SEMG2: variants seen among roughly 807,000 people sequenced by gnomAD.
SEMG2 encodes the protein semenogelin-2.
Under a neutral mutation model 8.1 loss-of-function variants are expected in SEMG2, and 3 were observed. That is an observed-to-expected ratio of 0.37 (90% CI 0.17 to 0.96). SEMG2 has a LOEUF of 0.96. Ranked by LOEUF, SEMG2 falls within the 40% of genes least tolerant of loss-of-function variation. The pLI, the probability that SEMG2 is intolerant of heterozygous loss-of-function variation, is 0.41. For synonymous variants in SEMG2, 252 were observed against 231.4 expected (o/e 1.09, Z -0.81); for missense variants, 726 against 671.2 (o/e 1.08, Z -0.90).
At chr20:45,223,910 T>A (rs1257410204) in intron 2 of SEMG2, among the ~76,000 whole-genome samples, 1 of 152,128 alleles carries the variant, frequency 6.6e-6, no homozygotes, top group African/African-American at 2.4e-5. Context: ...AGACTAGCAG[T>A]CCACTCTCTC....
chr20:45,221,860 TGACTG>T lies in SEMG2; in HGVS notation c.232_236del (p.Trp78ProfsTer7), dbSNP rs1297634009. 1.2e-6 allele frequency: 2 copies of T among 1,614,122 alleles called. No homozygotes were observed. The highest frequency in any genetic ancestry group is 2.2e-5 in the South Asian group (2 of 91,030). On this transcript the variant is annotated frameshift_variant, in exon 2 of 3. Transcript: ENST00000372769. LOFTEE classifies it low-confidence loss of function (END_TRUNC). ...CATATCATGTAGACATCAATGATCA[TGACTG>T]GACCCGAAAAAGTCAGCAATATGAT...
chr20:45,221,422 G>C lies in SEMG2; in HGVS notation c.33G>C (p.Leu11=). MKSIILFVLS[L]LLILEKQAAV... is the part of the protein sequence containing the mutation. The stretch of plus-strand genomic sequence containing the variant: ...CCATCATCCTCTTTGTCCTTTCCCT[G>C]CTCCTTATCTTGGAGAAGCAAGCAG... Residue 11 remains leucine (L), a synonymous_variant, in exon 1 of 3, where the codon CTG becomes CTC. Coordinates refer to ENST00000372769, the MANE Select transcript of SEMG2 (RefSeq NM_003008.3). The C allele has an allele frequency of 1.2e-6, 2 of 1,614,106 alleles. No individual in the cohort carries two copies. The highest frequency in any genetic ancestry group is 1.7e-5 in the Admixed American group (1 of 60,018).
rs759433653 is a variant in SEMG2 at position 45,223,277 on chromosome 20, G to A, written c.1645G>A (p.Glu549Lys). The part of the protein sequence containing the change: ...SHEQKGRYKQ[E>K]SSESHNIVIT... ...TGAACAAAAAGGCAGATACAAACAG[G>A]AATCCAGTGAGTCACATAATATTGT... Residue 549 changes from glutamate to lysine, a missense_variant, in exon 2 of 3, where the codon GAA (glutamate) becomes AAA (lysine). Coordinates refer to ENST00000372769, the MANE Select transcript of SEMG2 (RefSeq NM_003008.3). 2.1e-5 allele frequency: 34 copies of A among 1,614,112 alleles called. No individual in the cohort carries two copies. The South Asian group carries it at 2.6e-4, about 13-fold the overall frequency.
rs1469976572 is a variant in SEMG2 at position 45,222,066 on chromosome 20, A to T, written c.434A>T (p.Asp145Val). The T allele has an allele frequency of 6.2e-7, 1 of 1,613,986 alleles. No individual in the cohort carries two copies. Among genetic ancestry groups the T allele is most frequent in the African/African-American group, 1.3e-5 (1 of 74,922 alleles). The part of the protein sequence containing the change: ...AHHGTQNPSQ[D>V]QGNSPSGKGL... Reference sequence around the variant, plus strand: ...CATGGGACACAAAATCCTTCTCAAGATCAGGGGAATAGCCCATCTGGAAAG... The same window carrying T: ...CATGGGACACAAAATCCTTCTCAAGTTCAGGGGAATAGCCCATCTGGAAAG... Residue 145 changes from aspartate (D) to valine (V), a missense_variant, in exon 2 of 3, where the codon GAT becomes GTT. Coordinates refer to ENST00000372769, the MANE Select transcript of SEMG2 (RefSeq NM_003008.3).
At chr20:45,223,510 T>G in intron 2 of SEMG2, 85 bp downstream of exon 2, 1 of 618,056 alleles carries the variant, frequency 1.6e-6, no homozygotes, top group Non-Finnish European at 2.8e-6. Context: ...CTGATAACCA[T>G]TGTTCACATC....
Position 45,223,291 on chromosome 20 carries a change from A to T in SEMG2, c.1659A>T (p.Ser553=). Residue 553 remains serine, a synonymous_variant, in exon 2 of 3, where the codon TCA becomes TCT. Coordinates refer to ENST00000372769, the MANE Select transcript of SEMG2 (RefSeq NM_003008.3). The part of the protein sequence containing the change: ...KGRYKQESSE[S]HNIVITEHEV... ...GATACAAACAGGAATCCAGTGAGTC[A>T]CATAATATTGTAATTACTGAGCATG... The T allele has an allele frequency of 6.2e-7, 1 of 1,614,160 alleles. No individual in the cohort carries two copies. Among genetic ancestry groups the T allele is most frequent in the Admixed American group, 1.7e-5 (1 of 60,030 alleles).
Position 45,222,747 on chromosome 20 carries a change from G to A in SEMG2, c.1115G>A (p.Gly372Asp). ...EKGIQKGVSKGSISIQTEEQI... is the reference protein window; with the variant it reads ...EKGIQKGVSKDSISIQTEEQI... ...GGCATCCAGAAAGGTGTATCCAAAG[G>A]CAGTATTTCGATCCAAACTGAAGAG... Residue 372 changes from glycine (G) to aspartate (D), a missense_variant, in exon 2 of 3, where the codon GGC becomes GAC. By Grantham distance (94) the Gly-to-Asp change is moderately conservative (BLOSUM62 -1). Transcript: ENST00000372769. The A allele has an allele frequency of 6.2e-7, 1 of 1,613,878 alleles. No individual in the cohort carries two copies. Among genetic ancestry groups the A allele is most frequent in the Non-Finnish European group, 8.5e-7 (1 of 1,179,988 alleles).
chr20:45,223,571 C>G (rs955785862), intron 2 of SEMG2, 146 bp downstream of exon 2: 4 of 501,978 alleles, frequency 8.0e-6, no homozygotes, highest in Non-Finnish European at 1.4e-5. Flanking sequence ...CATTTCCTGG[C>G]GAGTAGAGGA....
In SEMG2 at chr20:45,222,046, G is replaced by A; in HGVS notation, c.414G>A (p.Gly138=). The change falls in exon 2 of 3, where the codon GGG becomes GGA. Residue 138 remains glycine, a synonymous_variant. Transcript: ENST00000372769. ...ATAAAGGAGGCCAAGCTCATCATGG[G>A]ACACAAAATCCTTCTCAAGATCAGG... ...IHHKGGQAHH[G]TQNPSQDQGN... The A allele has an allele frequency of 1.2e-6, 2 of 1,614,078 alleles. No individual in the cohort carries two copies. The highest frequency in any genetic ancestry group is 1.1e-5 in the South Asian group (1 of 91,062).
In SEMG2 at chr20:45,221,835, C is replaced by T. The variant is rs779077576; in HGVS notation, c.203C>T (p.Thr68Ile). The T allele has an allele frequency of 4.3e-5, 70 of 1,613,948 alleles. 1 individual carries two copies. The Middle Eastern group carries it at 4.9e-4, about 11-fold the overall frequency. The part of the protein sequence containing the change: ...KSKGSFSIQH[T>I]YHVDINDHDW... ...AAAGGCAGTTTTTCTATTCAACACA[C>T]ATATCATGTAGACATCAATGATCAT... Residue 68 changes from threonine to isoleucine, a missense_variant, in exon 2 of 3, where the codon ACA becomes ATA. Coordinates refer to ENST00000372769, the MANE Select transcript of SEMG2 (RefSeq NM_003008.3).
In SEMG2 at chr20:45,222,018, A is replaced by T. The variant is rs781328840; in HGVS notation, c.386A>T (p.His129Leu). The T allele has an allele frequency of 1.2e-6, 2 of 1,614,048 alleles. No homozygotes were observed. The highest frequency in any genetic ancestry group is 2.7e-5 in the African/African-American group (2 of 74,948). Residue 129 changes from histidine (H) to leucine (L), a missense_variant, in exon 2 of 3, where the codon CAT becomes CTT. His to Leu is a moderately conservative substitution (Grantham distance 99). Coordinates refer to ENST00000372769, the MANE Select transcript of SEMG2 (RefSeq NM_003008.3). ...SKGHFHMIVIHHKGGQAHHGT... is the reference protein window; with the variant it reads ...SKGHFHMIVILHKGGQAHHGT... ...GGTCATTTTCACATGATAGTTATAC[A>T]TCATAAAGGAGGCCAAGCTCATCAT...
At position 45,222,980 on chromosome 20, in the gene SEMG2, G is replaced by T; in HGVS notation, c.1348G>T (p.Val450Leu). 1 of 1,613,652 alleles carries T rather than the reference G, an allele frequency of 6.2e-7. No individual in the cohort carries two copies. Among genetic ancestry groups the T allele is most frequent in the Middle Eastern group, 1.7e-4 (1 of 6,054 alleles). ...EKIHGKSQNQVTIPSQDQEHG... is the reference protein window; with the variant it reads ...EKIHGKSQNQLTIPSQDQEHG... ...AATACATGGCAAGTCTCAAAACCAG[G>T]TAACAATTCCTAGTCAAGATCAAGA... Residue 450 changes from valine (V) to leucine (L), a missense_variant, in exon 2 of 3, where the codon GTA becomes TTA. Val to Leu is a conservative substitution (Grantham distance 32, BLOSUM62 1). Coordinates refer to ENST00000372769, the MANE Select transcript of SEMG2 (RefSeq NM_003008.3).
chr20:45,222,488 A>G lies in SEMG2; in HGVS notation c.856A>G (p.Ile286Val). 1 of 1,613,974 alleles carries G rather than the reference A, an allele frequency of 6.2e-7. No homozygotes were observed. Among genetic ancestry groups the G allele is most frequent in the Non-Finnish European group, 8.5e-7 (1 of 1,179,978 alleles). ...AGAGCATGGCCGGAAGGCACATAAA[A>G]TATCATACCCGTCTTCACGTACAGA... The part of the protein sequence containing the change: ...DQEHGRKAHK[I>V]SYPSSRTEER... The change falls in exon 2 of 3, where the codon ATA becomes GTA. Residue 286 changes from isoleucine (I) to valine (V), a missense_variant. Physicochemically the swap from Ile to Val is conservative, Grantham distance 29 (BLOSUM62 3). Coordinates refer to ENST00000372769, the MANE Select transcript of SEMG2 (RefSeq NM_003008.3).
intron 1 of SEMG2, 80 bp downstream of exon 1, chr20:45,221,545 C>T: frequency 3.3e-6 from 5 of 1,514,888 alleles, no homozygotes; most frequent in South Asian, 1.2e-5. Context: ...AAACAGTAAC[C>T]TGTTCAGGCA....
rs201285909 is a variant in SEMG2, at chr20:45,221,468, G to A, written c.76+3G>A. ...AGCAGCTGTGATGGGACAAAAAGGT[G>A]AGTGGAGAGGGTAAGCCTTGGGGAA... is the stretch of plus-strand genomic sequence containing the variant. On this transcript the variant is annotated splice_donor_region_variant and intron_variant, in intron 1 of 2. Transcript: ENST00000372769. The A allele has an allele frequency of 2.4e-4, 391 of 1,614,078 alleles. 1 individual carries two copies. Among genetic ancestry groups the A allele is most frequent in the Non-Finnish European group, 3.1e-4 (363 of 1,179,962 alleles).
Position 45,222,611 on chromosome 20 carries a change from C to T in SEMG2, c.979C>T (p.Gln327Ter). The T allele has an allele frequency of 6.2e-7, 1 of 1,614,110 alleles. No homozygotes were observed. Among genetic ancestry groups the T allele is most frequent in the Non-Finnish European group, 8.5e-7 (1 of 1,180,004 alleles). ...QTEEKIHGKSQNQVTIHSQDQ... is the reference protein window; with the variant it reads ...QTEEKIHGKS ...TGAAGAGAAAATACATGGCAAGTCT[C>T]AAAACCAGGTAACAATTCATAGTCA... is the stretch of plus-strand genomic sequence containing the variant. The change falls in exon 2 of 3, where the codon CAA becomes TAA. Residue 327 changes from glutamine to a stop codon, truncating the protein, a stop_gained. Transcript: ENST00000372769. LOFTEE classifies it low-confidence loss of function (END_TRUNC).
Position 45,222,515 on chromosome 20 carries a change from G to T in SEMG2, c.883G>T (p.Glu295Ter). ...ATCATACCCGTCTTCACGTACAGAA[G>T]AAAGACAACTTCACCATGGAGAAAA... Reference protein sequence around the residue: ...KISYPSSRTEERQLHHGEKSV... With the variant: ...KISYPSSRTE The change falls in exon 2 of 3, where the codon GAA becomes TAA. Residue 295 changes from glutamate to a stop codon, truncating the protein, a stop_gained. Coordinates refer to ENST00000372769, the MANE Select transcript of SEMG2 (RefSeq NM_003008.3). LOFTEE classifies it low-confidence loss of function (END_TRUNC). 1 of 1,613,992 alleles carries T rather than the reference G, an allele frequency of 6.2e-7. No individual in the cohort carries two copies. Among genetic ancestry groups the T allele is most frequent in the Non-Finnish European group, 8.5e-7 (1 of 1,179,988 alleles).
chr20:45,223,269 AC>A lies in SEMG2; in HGVS notation c.1638del (p.Tyr546Ter), dbSNP rs1300732896. 10 of 1,614,112 alleles carry A rather than the reference AC, an allele frequency of 6.2e-6. No homozygotes were observed. The highest frequency in any genetic ancestry group is 1.7e-5 in the Admixed American group (1 of 60,010). On this transcript the variant is annotated frameshift_variant, in exon 2 of 3. Coordinates refer to ENST00000372769, the MANE Select transcript of SEMG2 (RefSeq NM_003008.3). LOFTEE classifies it low-confidence loss of function (END_TRUNC). Reference protein sequence around the residue: ...DLLSHEQKGRYKQESSESHNI... With the variant: ...DLLSHEQKGRXKQESSESHNI... ...CTCAGTCATGAACAAAAAGGCAGAT[AC>A]AAACAGGAATCCAGTGAGTCACATA...
Position 45,221,869 on chromosome 20 carries a change from C to T in SEMG2, c.237C>T (p.Thr79=). ...TAGACATCAATGATCATGACTGGACCCGAAAAAGTCAGCAATATGATTTGA... is the reference window on the plus strand; with the variant it reads ...TAGACATCAATGATCATGACTGGACTCGAAAAAGTCAGCAATATGATTTGA... ...YHVDINDHDW[T]RKSQQYDLNA... The change falls in exon 2 of 3, where the codon ACC becomes ACT. Residue 79 remains threonine (T), a synonymous_variant. Transcript: ENST00000372769. 6.2e-7 allele frequency: 1 copy of T among 1,613,878 alleles called. No individual in the cohort carries two copies. The highest frequency in any genetic ancestry group is 8.5e-7 in the Non-Finnish European group (1 of 1,179,960).
Sources: gnomAD v4.1 joint callset for allele counts (sites outside exome capture counted in the v4.1 genomes callset) on GRCh38, gnomAD v4.1.1 for gene constraint, MANE v1.5 for transcripts, NCBI Gene and HGNC (gene_info 2026-07-23, HGNC 2026-07-21) for gene names.